ARID1B: variants seen among roughly 807,000 people sequenced by gnomAD.
ARID1B encodes the protein AT-rich interaction domain 1B.
A neutral mutation model predicts 212.3 loss-of-function variants in ARID1B; 30 were observed. The observed-to-expected ratio is 0.14, with a 90% CI of 0.11 to 0.19. ARID1B has a LOEUF of 0.19. Ranked by LOEUF, ARID1B falls within the 10% of genes least tolerant of loss-of-function variation. ARID1B has a pLI of 1.00. For synonymous variants in ARID1B, 1,402 were observed against 1,301.7 expected, an observed-to-expected ratio of 1.08 and a Z score of -1.66; for missense variants, 2,891 against 3,204.0, an observed-to-expected ratio of 0.90 and a Z score of 2.36.
intron 2 of ARID1B, among the ~76,000 whole-genome samples, chr6:156,898,504 TG>T (rs1788668371): frequency 6.6e-6 from 1 of 152,268 alleles, no homozygotes; most frequent in Non-Finnish European, 1.5e-5. Flanking sequence ...CAAAAGGAGC[TG>T]TGGTCTGCAG....
chr6:156,919,323 GCATTGGA>G (rs140186310), intron 3 of ARID1B, among the ~76,000 whole-genome samples: 2,496 of 151,866 alleles, frequency 0.016, 66 homozygotes, highest in African/African-American at 0.057. Context: ...GAATTTAATT[GCATTGGA>G]TCATAATTTG....
In ARID1B at chr6:157,058,418, C is replaced by A. The variant is rs184933646; in HGVS notation, c.2248-26244C>A. Among the ~76,000 whole-genome samples, 72 of 152,236 alleles carry A rather than the reference C, an allele frequency of 4.7e-4. 1 individual carries two copies. The East Asian group carries it at 0.012, about 26-fold the overall frequency. Reference sequence around the variant, plus strand: ...TGGCCGGGACCACAGGTACACACCACCATGCTGGGCTAATTTTTGTATTTT... The same window carrying A: ...TGGCCGGGACCACAGGTACACACCAACATGCTGGGCTAATTTTTGTATTTT... On this transcript the variant is annotated intron_variant, in intron 4 of 19. Coordinates refer to ENST00000636930, the MANE Select transcript of ARID1B (RefSeq NM_001374828.1).
chr6:156,848,678 A>G (rs1173174802), intron 2 of ARID1B, among the ~76,000 whole-genome samples: 3 of 152,142 alleles, frequency 2.0e-5, no homozygotes, highest in African/African-American at 7.2e-5. Flanking sequence ...CTTTAAGTTA[A>G]AAATACCCGG....
At chr6:157,041,062 A>G (rs999274323) in intron 4 of ARID1B, among the ~76,000 whole-genome samples, 5 of 152,214 alleles carry the variant, frequency 3.3e-5, no homozygotes, top group South Asian at 4.1e-4. Flanking sequence ...ATGGGTGAAT[A>G]TATGCCTTTG....
chr6:157,184,626 G>A, intron 13 of ARID1B, 191 bp downstream of exon 13: 4 of 666,280 alleles, frequency 6.0e-6, no homozygotes, highest in Middle Eastern at 2.6e-4. Flanking sequence ...AATTAAATCT[G>A]GGATATGGCC....
chr6:157,010,299 T>G (rs11751909), intron 4 of ARID1B, among the ~76,000 whole-genome samples: 45,751 of 130,028 alleles, frequency 0.35, 7,991 homozygotes, highest in African/African-American at 0.36. Context: ...TTTTTTTTTT[T>G]TTTTTGTTGT....
intron 4 of ARID1B, among the ~76,000 whole-genome samples, chr6:157,075,552 G>A (rs1720022910): frequency 6.6e-6 from 1 of 152,176 alleles, no homozygotes; most frequent in African/African-American, 2.4e-5. Context: ...ATGAGTGTGG[G>A]CTGGACTTAG....
intron 8 of ARID1B, among the ~76,000 whole-genome samples, chr6:157,154,577 T>TG (rs1562308866): frequency 6.9e-6 from 1 of 144,816 alleles, no homozygotes; most frequent in African/African-American, 2.6e-5. Context: ...TGTTTTTTTT[T>TG]TTGTTTTTTT....
intron 5 of ARID1B, among the ~76,000 whole-genome samples, chr6:157,101,622 C>T (rs1198465245): frequency 6.6e-6 from 1 of 151,964 alleles, no homozygotes; most frequent in Non-Finnish European, 1.5e-5. Flanking sequence ...GGACATTGCC[C>T]TCTATATAGT....
intron 1 of ARID1B, among the ~76,000 whole-genome samples, chr6:156,799,218 C>T (rs565460780): frequency 2.9e-4 from 44 of 152,140 alleles, no homozygotes; most frequent in South Asian, 1.0e-3. Context: ...TTTCTAGGTG[C>T]CAAGCACTGT....
chr6:156,777,252 T>G (rs943634109), upstream of ARID1B: 11 of 150,288 alleles, frequency 7.3e-5, no homozygotes, highest in African/African-American at 2.7e-4. Flanking sequence ...CCCGGCTGGG[T>G]CCCGCGAGGC....
At chr6:156,986,477 G>T (rs912000805) in intron 4 of ARID1B, among the ~76,000 whole-genome samples, 2 of 152,150 alleles carry the variant, frequency 1.3e-5, no homozygotes, top group Admixed American at 1.3e-4. Context: ...AGACAGCAGG[G>T]GCTGGTAGTT....
intron 1 of ARID1B, among the ~76,000 whole-genome samples, chr6:156,810,185 C>T (rs545679149): frequency 3.3e-5 from 5 of 152,298 alleles, no homozygotes; most frequent in Non-Finnish European, 7.4e-5. Flanking sequence ...CTATTTTGTA[C>T]ACATTGTCCT....
chr6:157,129,363 G>C (rs756183829), intron 6 of ARID1B, among the ~76,000 whole-genome samples: 4 of 152,190 alleles, frequency 2.6e-5, no homozygotes, highest in African/African-American at 9.7e-5. Flanking sequence ...TCCATTCCCA[G>C]TCCACTGCCG....
intron 3 of ARID1B, among the ~76,000 whole-genome samples, chr6:156,907,494 A>G (rs1789496558): frequency 2.0e-5 from 3 of 152,176 alleles, no homozygotes; most frequent in Admixed American, 6.5e-5. Flanking sequence ...TTTTTTATTC[A>G]TCACTGGATT....
intron 1 of ARID1B, among the ~76,000 whole-genome samples, chr6:156,788,129 C>T (rs1459500499): frequency 6.6e-6 from 1 of 152,048 alleles, no homozygotes; most frequent in Non-Finnish European, 1.5e-5. Context: ...TGATGCTCAG[C>T]CCCTCCCAGC....
At chr6:157,099,121 G>C (rs11754752) in intron 5 of ARID1B, among the ~76,000 whole-genome samples, 1 of 151,982 alleles carries the variant, frequency 6.6e-6, no homozygotes, top group Non-Finnish European at 1.5e-5. Flanking sequence ...CCACCACCAC[G>C]CATTTTTGTA....
At position 157,027,874 on chromosome 6, in the gene ARID1B, C is replaced by G. The variant is rs138562784; in HGVS notation, c.2248-56788C>G. Among the ~76,000 whole-genome samples, 673 of 152,282 alleles carry G rather than the reference C, an allele frequency of 4.4e-3. 4 individuals carry two copies. The highest frequency in any genetic ancestry group is 0.015 in the African/African-American group (641 of 41,548). On this transcript the variant is annotated intron_variant, in intron 4 of 19. Transcript: ENST00000636930. Reference sequence around the variant, plus strand: ...ACTGGGAGAGGGATTTAAGTATGATCAAATAGTACCTTAGCCACAATTTTT... The same window carrying G: ...ACTGGGAGAGGGATTTAAGTATGATGAAATAGTACCTTAGCCACAATTTTT...
chr6:156,830,804 A>C (rs1449538110), intron 2 of ARID1B, among the ~76,000 whole-genome samples: 1 of 152,154 alleles, frequency 6.6e-6, no homozygotes, highest in Non-Finnish European at 1.5e-5. Context: ...AATAAGAAAT[A>C]AAATGTTGTC....
Sources: allele counts gnomAD v4.1 joint callset (sites outside exome capture counted in the v4.1 genomes callset), GRCh38; gene constraint gnomAD v4.1.1; transcripts MANE v1.5; gene names NCBI Gene and HGNC (gene_info 2026-07-23, HGNC 2026-07-21).